SIPA1L1: variants seen among roughly 807,000 people sequenced by gnomAD.
The protein encoded by SIPA1L1 is signal-induced proliferation-associated 1-like protein 1.
SIPA1L1 carries 26 observed loss-of-function variants against 162.7 expected under a neutral mutation model. The ratio of observed to expected loss-of-function variants is 0.16; its 90% CI spans 0.12 to 0.22. The LOEUF (loss-of-function observed/expected upper bound fraction) is 0.22, where lower values mean the gene tolerates loss of function less well. Ranked by LOEUF, SIPA1L1 falls within the 10% of genes least tolerant of loss-of-function variation. The pLI is 1.00. For synonymous variants in SIPA1L1, 829 were observed against 837.4 expected, an observed-to-expected ratio of 0.99 and a Z score of 0.17; for missense variants, 1,874 against 2,241.0, an observed-to-expected ratio of 0.84 and a Z score of 3.31.
intron 2 of SIPA1L1, among the ~76,000 whole-genome samples, chr14:71,430,860 G>A (rs1250221606): frequency 6.6e-6 from 1 of 152,036 alleles, no homozygotes; most frequent in Admixed American, 6.6e-5. Context: ...CCTCAGGGAG[G>A]CTTTTCTAGT....
rs1179722323 is a variant in SIPA1L1 at position 71,671,526 on chromosome 14, T to C, written c.2663T>C (p.Ile888Thr). ...LGISNEFIVL[I>T]EQETKSVVFN... ...ATCTCCAATGAGTTCATTGTGCTCA[T>C]TGAACAGGAAACAAAGAGCGTGGTC... Residue 888 changes from isoleucine to threonine, a missense_variant, in exon 11 of 24, where the codon ATT becomes ACT. Coordinates refer to ENST00000381232, the MANE Select transcript of SIPA1L1 (RefSeq NM_001386936.1). 2 of 1,614,174 alleles carry C rather than the reference T, an allele frequency of 1.2e-6. No individual in the cohort carries two copies. Among genetic ancestry groups the C allele is most frequent in the Admixed American group, 1.7e-5 (1 of 60,028 alleles).
intron 2 of SIPA1L1, among the ~76,000 whole-genome samples, chr14:71,495,195 A>G (rs1336327387): frequency 6.6e-6 from 1 of 152,190 alleles, no homozygotes; most frequent in African/African-American, 2.4e-5. Context: ...GTTCGTGAAG[A>G]ATTGGCATTG....
intron 7 of SIPA1L1, among the ~76,000 whole-genome samples, chr14:71,631,220 A>G (rs1048331944): frequency 1.3e-5 from 2 of 152,128 alleles, no homozygotes; most frequent in African/African-American, 4.8e-5. Flanking sequence ...TTATGGCTGC[A>G]TAGTATTCCA....
chr14:71,433,505 C>T (rs183567486), intron 2 of SIPA1L1, among the ~76,000 whole-genome samples: 101 of 152,152 alleles, frequency 6.6e-4, no homozygotes, highest in East Asian at 1.5e-3. Context: ...TTTGTAGCGA[C>T]GGGGCTTCAC....
Position 71,702,189 on chromosome 14 carries a change from G to A in SIPA1L1, c.3522-192G>A, listed in dbSNP as rs978683566. 5.2e-6 allele frequency: 3 copies of A among 578,450 alleles called. No homozygotes were observed. The African/African-American group carries it at 5.6e-5, about 11-fold the overall frequency. The allele number at this position is 578,450 out of a possible 1,614,324, so 35.8% of individuals were successfully genotyped here. ...CATGCATACCTTTTTGAGCAGAGTG[G>A]TGTATATTGACCACAACATACACAT... On this transcript the variant is annotated intron_variant, in intron 14 of 23. Transcript: ENST00000381232.
intron 2 of SIPA1L1, among the ~76,000 whole-genome samples, chr14:71,329,420 GTT>G (rs34647020): frequency 1.5e-5 from 2 of 135,244 alleles, no homozygotes; most frequent in African/African-American, 2.8e-5. Flanking sequence ...CTTATTTTCT[GTT>G]TTTTTTTTTT....
chr14:71,707,113 A>G (rs986887010), intron 16 of SIPA1L1, among the ~76,000 whole-genome samples: 2 of 151,020 alleles, frequency 1.3e-5, no homozygotes. Context: ...TCCTTCCTCT[A>G]CCAAAAGACA....
intron 2 of SIPA1L1, among the ~76,000 whole-genome samples, chr14:71,423,693 A>C (rs2043355646): frequency 6.6e-6 from 1 of 152,146 alleles, no homozygotes; most frequent in Non-Finnish European, 1.5e-5. Context: ...TGCCAGTACC[A>C]TATTGTTTTG....
chr14:71,714,161 C>T (rs1267589228), intron 17 of SIPA1L1, among the ~76,000 whole-genome samples: 1 of 152,130 alleles, frequency 6.6e-6, no homozygotes, highest in Admixed American at 6.5e-5. Flanking sequence ...GGCAGAACTC[C>T]AGGTGATTTG....
At chr14:71,694,237 CGTGTGTGTAT>C (rs992039461) in intron 13 of SIPA1L1, among the ~76,000 whole-genome samples, 1 of 151,544 alleles carries the variant, frequency 6.6e-6, no homozygotes, top group African/African-American at 2.4e-5. Flanking sequence ...TGTGTGTGTG[CGTGTGTGTAT>C]GTGTGTGTGT....
chr14:71,620,842 T>C (rs1286826947), intron 6 of SIPA1L1, among the ~76,000 whole-genome samples: 1 of 152,228 alleles, frequency 6.6e-6, no homozygotes, highest in African/African-American at 2.4e-5. Flanking sequence ...TAAGATTCTC[T>C]TCTTCTCCAG....
intron 7 of SIPA1L1, among the ~76,000 whole-genome samples, chr14:71,644,479 C>T (rs2041991883): frequency 6.7e-6 from 1 of 150,220 alleles, no homozygotes; most frequent in South Asian, 2.1e-4. Context: ...TCAAGTGATC[C>T]TCCCACCTTG....
intron 7 of SIPA1L1, among the ~76,000 whole-genome samples, chr14:71,631,732 T>A (rs2040590603): frequency 6.6e-6 from 1 of 152,246 alleles, no homozygotes; most frequent in South Asian, 2.1e-4. Context: ...ACAACTTTAC[T>A]ATTTAGTATC....
At chr14:71,672,667 G>T in intron 12 of SIPA1L1, 45 bp downstream of exon 12, 1 of 1,592,178 alleles carries the variant, frequency 6.3e-7, no homozygotes, top group Non-Finnish European at 8.6e-7. Flanking sequence ...CGAGTGCAGG[G>T]TTTGTGTACC....
intron 16 of SIPA1L1, among the ~76,000 whole-genome samples, chr14:71,707,056 T>G (rs1597126092): frequency 6.9e-6 from 1 of 144,132 alleles, no homozygotes; most frequent in South Asian, 2.2e-4. Context: ...AAAAAGAAAC[T>G]GGCATGTCCT....
chr14:71,526,318 G>A (rs1431467386), intron 3 of SIPA1L1, among the ~76,000 whole-genome samples: 2 of 152,050 alleles, frequency 1.3e-5, no homozygotes, highest in South Asian at 2.1e-4. Flanking sequence ...TTAGCCCACC[G>A]AATTTCCCCC....
chr14:71,603,541 C>T (rs1010241927), intron 5 of SIPA1L1, among the ~76,000 whole-genome samples: 1 of 152,062 alleles, frequency 6.6e-6, no homozygotes, highest in Non-Finnish European at 1.5e-5. Flanking sequence ...CTACTGCAGC[C>T]TTGAACTCCC....
chr14:71,686,230 T>A (rs1482553278), intron 13 of SIPA1L1, among the ~76,000 whole-genome samples: 2 of 152,150 alleles, frequency 1.3e-5, no homozygotes, highest in African/African-American at 4.8e-5. Flanking sequence ...TCCTAGAAAG[T>A]AAGAAACCAA....
rs560499552 is a variant in SIPA1L1 at position 71,534,062 on chromosome 14, AAAAAATAAAAAT to A, written c.-303+4719_-303+4730del. On this transcript the variant is annotated intron_variant, in intron 4 of 23. Coordinates refer to ENST00000381232, the MANE Select transcript of SIPA1L1 (RefSeq NM_001386936.1). ...CAATATAGTGAGACCCCATCTCTAC[AAAAAATAAAAAT>A]AAAAATAAAAATAAAAATAAAAATA... is the stretch of plus-strand genomic sequence containing the variant. 2.4e-3 allele frequency among the ~76,000 whole-genome samples: 371 copies of A among 151,604 alleles called. 1 individual carries two copies. Among genetic ancestry groups the A allele is most frequent in the East Asian group, 0.014 (72 of 5,168 alleles).
Sources: gnomAD v4.1 joint callset for allele counts (sites outside exome capture counted in the v4.1 genomes callset) on GRCh38, gnomAD v4.1.1 for gene constraint, MANE v1.5 for transcripts, NCBI Gene and HGNC (gene_info 2026-07-23, HGNC 2026-07-21) for gene names.